The following ANO4 variants were observed in gnomAD, a reference collection of about 807,000 sequenced individuals.
ANO4 encodes anoctamin-4.
ANO4 carries 69 observed loss-of-function variants against 141.9 expected under a neutral mutation model. The observed-to-expected ratio is 0.49, with a 90% CI of 0.40 to 0.59. The LOEUF is 0.59. ANO4 is among the 20% of genes least tolerant of loss of function. The pLI, the probability that ANO4 is intolerant of heterozygous loss-of-function variation, is 0.00. For synonymous variants in ANO4, 350 were observed against 394.3 expected (o/e 0.89, Z 1.33); for missense variants, 894 against 1,162.2 (o/e 0.77, Z 3.36).
chr12:100,940,292 A>C (rs1472248768), intron 4 of ANO4, among the ~76,000 whole-genome samples: 1 of 151,912 alleles, frequency 6.6e-6, no homozygotes, highest in South Asian at 2.1e-4. Flanking sequence ...TGGCGTAAAG[A>C]ATGGACTTTG....
At chr12:101,012,884 G>A (rs923628018) in intron 8 of ANO4, among the ~76,000 whole-genome samples, 1 of 152,070 alleles carries the variant, frequency 6.6e-6, no homozygotes, top group East Asian at 1.9e-4. Flanking sequence ...TTGGATGTTG[G>A]GCATAAGAGA....
chr12:101,071,812 A>G (rs1321997736), intron 14 of ANO4, among the ~76,000 whole-genome samples: 1 of 152,170 alleles, frequency 6.6e-6, no homozygotes, highest in African/African-American at 2.4e-5. Context: ...TACCCCATAA[A>G]TATATACACC....
intron 1 of ANO4, among the ~76,000 whole-genome samples, chr12:100,805,293 T>C (rs1041401408): frequency 3.3e-5 from 5 of 152,172 alleles, no homozygotes; most frequent in African/African-American, 9.7e-5. Context: ...TTCTCTATTC[T>C]GTTCCATTGG....
At position 100,836,189 on chromosome 12, in the gene ANO4, C is replaced by T. The variant is rs570106346; in HGVS notation, c.-141+41162C>T. Among the ~76,000 whole-genome samples the T allele has an allele frequency of 3.4e-4, 51 of 151,958 alleles. 1 individual carries two copies. The highest frequency in any genetic ancestry group is 1.2e-3 in the African/African-American group (48 of 41,466). ...ATTTATCAATAAGTTTTTGGAGTCC[C>T]CGTGGGTGAAAATGTTGATCTGTTA... On this transcript the variant is annotated intron_variant, in intron 1 of 27. Coordinates refer to ENST00000392977, the MANE Select transcript of ANO4 (RefSeq NM_001286615.2).
At chr12:101,062,908 G>A (rs1451623487) in intron 14 of ANO4, among the ~76,000 whole-genome samples, 1 of 152,206 alleles carries the variant, frequency 6.6e-6, no homozygotes, top group East Asian at 1.9e-4. Context: ...CTGTCTTGCT[G>A]GCATTCCAGG....
chr12:101,029,992 G>A (rs760896739), intron 9 of ANO4, among the ~76,000 whole-genome samples: 66 of 149,462 alleles, frequency 4.4e-4, no homozygotes, highest in Admixed American at 4.3e-3. Context: ...AGTTCTTAGA[G>A]ACCTACAAAG....
intron 5 of ANO4, among the ~76,000 whole-genome samples, chr12:100,960,732 A>G (rs1294772386): frequency 1.3e-5 from 2 of 152,176 alleles, no homozygotes; most frequent in Non-Finnish European, 2.9e-5. Context: ...TAATCTCTGC[A>G]GCGTACTAAG....
At chr12:100,774,581 A>G (rs2135560525) in intron 3 of ANO4, among the ~76,000 whole-genome samples, 1 of 152,376 alleles carries the variant, frequency 6.6e-6, no homozygotes, top group Admixed American at 6.5e-5. Flanking sequence ...AATAGAGTAG[A>G]GCACACATCA....
intron 2 of ANO4, among the ~76,000 whole-genome samples, chr12:100,902,288 CATTAT>C (rs1238738482): frequency 7.2e-5 from 11 of 152,084 alleles, no homozygotes; most frequent in African/African-American, 2.7e-4. Flanking sequence ...AGACTGGAGT[CATTAT>C]ATTATATTGT....
At chr12:101,091,847 A>G (rs2049790368) in intron 17 of ANO4, among the ~76,000 whole-genome samples, 1 of 152,054 alleles carries the variant, frequency 6.6e-6, no homozygotes, top group African/African-American at 2.4e-5. Context: ...AAATATTTTT[A>G]TATAGTATTT....
intron 3 of ANO4, chr12:100,740,213 A>G (rs2031803526): frequency 1.5e-6 from 1 of 652,454 alleles, no homozygotes; most frequent in Admixed American, 2.1e-5. Flanking sequence ...GTGTGATATG[A>G]TGGACCCCAA....
At chr12:100,840,058 A>G (rs889733161) in intron 1 of ANO4, among the ~76,000 whole-genome samples, 8 of 152,068 alleles carry the variant, frequency 5.3e-5, no homozygotes, top group Admixed American at 1.3e-4. Flanking sequence ...CTCCTCTCTC[A>G]TACATATATA....
At chr12:100,900,207 CTT>C (rs2040527216) in intron 1 of ANO4, among the ~76,000 whole-genome samples, 1 of 151,970 alleles carries the variant, frequency 6.6e-6, no homozygotes, top group Non-Finnish European at 1.5e-5. Flanking sequence ...CTCTCTCTCT[CTT>C]TCTCTCCTTC....
intron 16 of ANO4, among the ~76,000 whole-genome samples, chr12:101,085,614 C>G (rs148147736): frequency 1.3e-5 from 2 of 152,156 alleles, no homozygotes; most frequent in East Asian, 3.9e-4. Context: ...GGGGGTGGTT[C>G]TGGGCCAATC....
intron 14 of ANO4, among the ~76,000 whole-genome samples, chr12:101,072,113 C>G (rs1454275395): frequency 6.6e-6 from 1 of 152,108 alleles, no homozygotes; most frequent in African/African-American, 2.4e-5. Context: ...TGATAGAGCC[C>G]AGTCAGATGT....
intron 3 of ANO4, among the ~76,000 whole-genome samples, chr12:100,787,995 T>C (rs1375688256): frequency 6.6e-6 from 1 of 152,224 alleles, no homozygotes; most frequent in African/African-American, 2.4e-5. Context: ...ATGCTGTTGC[T>C]AATTGAAAAT....
At chr12:100,933,279 C>G (rs1177325886) in intron 3 of ANO4, among the ~76,000 whole-genome samples, 1 of 152,060 alleles carries the variant, frequency 6.6e-6, no homozygotes, top group Non-Finnish European at 1.5e-5. Flanking sequence ...AGCCCCCCAT[C>G]CCACAACAGG....
chr12:100,922,698 A>G (rs1214316477), intron 3 of ANO4, among the ~76,000 whole-genome samples: 1 of 152,146 alleles, frequency 6.6e-6, no homozygotes, highest in Non-Finnish European at 1.5e-5. Context: ...CTCTGCTCAA[A>G]TGGAAGTAAT....
chr12:101,102,615 T>C (rs1470508927), intron 22 of ANO4, among the ~76,000 whole-genome samples: 1 of 152,184 alleles, frequency 6.6e-6, no homozygotes, highest in Non-Finnish European at 1.5e-5. Context: ...CAGATATATA[T>C]GTTGAAAATT....
Sources: allele counts gnomAD v4.1 joint callset (sites outside exome capture counted in the v4.1 genomes callset), GRCh38; gene constraint gnomAD v4.1.1; transcripts MANE v1.5; gene names NCBI Gene and HGNC (gene_info 2026-07-23, HGNC 2026-07-21).